The following BLOC1S6 variants were observed in gnomAD, a reference collection of about 807,000 sequenced individuals.
BLOC1S6 encodes the protein biogenesis of lysosome-related organelles complex 1 subunit 6.
A neutral mutation model predicts 24.7 loss-of-function variants in BLOC1S6; 24 were observed. That is an observed-to-expected ratio of 0.97 (90% confidence interval 0.70 to 1.37). The LOEUF is 1.37. Ranked by LOEUF, BLOC1S6 falls within the 40% of genes most tolerant of loss-of-function variation. The pLI is 0.00. For missense variants in BLOC1S6, 175 were observed against 196.2 expected, an observed-to-expected ratio of 0.89 and a Z score of 0.64; for synonymous variants, 76 against 72.6, an observed-to-expected ratio of 1.05 and a Z score of -0.23.
intron 1 of BLOC1S6, among the ~76,000 whole-genome samples, chr15:45,591,361 G>T (rs1020366774): frequency 3.9e-5 from 6 of 152,108 alleles, no homozygotes; most frequent in Admixed American, 2.6e-4. Context: ...GCTTTTGAAA[G>T]CAAGAATGCT....
intron 1 of BLOC1S6, chr15:45,587,929 A>G (rs575383121): frequency 1.7e-6 from 1 of 599,840 alleles, no homozygotes; most frequent in East Asian, 2.8e-5. Flanking sequence ...CAGCTCGGTG[A>G]TATTACTTCA....
At chr15:45,593,002 C>A (rs749568784) in intron 2 of BLOC1S6, among the ~76,000 whole-genome samples, 2 of 151,996 alleles carry the variant, frequency 1.3e-5, no homozygotes, top group African/African-American at 4.8e-5. Flanking sequence ...ACTTAAGAGG[C>A]CTTTATTAGG....
chr15:45,602,106 C>T (rs1035207013), intron 2 of BLOC1S6, among the ~76,000 whole-genome samples: 3 of 151,864 alleles, frequency 2.0e-5, no homozygotes, highest in South Asian at 2.1e-4. Context: ...TTGTTGTCCA[C>T]GCTGGTCTTG....
rs1337079961 is a variant in BLOC1S6 at position 45,603,166 on chromosome 15, T to C, written c.291T>C (p.Ser97=). 3.7e-6 allele frequency: 6 copies of C among 1,600,212 alleles called. No individual in the cohort carries two copies. Among genetic ancestry groups the C allele is most frequent in the Non-Finnish European group, 5.1e-6 (6 of 1,168,128 alleles). The part of the protein sequence containing the change: ...QEISKFKECH[S]MLDINALFAE... ...TTTCAAAATTTAAAGAATGTCATTC[T>C]ATGTTGGATATTAATGCTTTGGTAA... is the stretch of plus-strand genomic sequence containing the variant. The change falls in exon 3 of 5, where the codon TCT becomes TCC. Residue 97 remains serine, a synonymous_variant. Transcript: ENST00000220531.
intron 1 of BLOC1S6, among the ~76,000 whole-genome samples, chr15:45,591,344 T>G (rs1011646014): frequency 6.6e-6 from 1 of 152,120 alleles, no homozygotes; most frequent in Non-Finnish European, 1.5e-5. Flanking sequence ...TTATATAATT[T>G]CTTCATGCTT....
intron 1 of BLOC1S6, among the ~76,000 whole-genome samples, chr15:45,591,012 T>C (rs577243304): frequency 5.4e-4 from 82 of 152,346 alleles, no homozygotes; most frequent in African/African-American, 1.9e-3. Flanking sequence ...GTGATTGATA[T>C]TCATCTTAGA....
At chr15:45,596,096 C>T (rs909865463) in intron 2 of BLOC1S6, among the ~76,000 whole-genome samples, 7 of 148,272 alleles carry the variant, frequency 4.7e-5, no homozygotes, top group African/African-American at 1.5e-4. Flanking sequence ...CCACCACGCC[C>T]GGCCTATTCT....
At chr15:45,600,785 T>C (rs1182951688) in intron 2 of BLOC1S6, among the ~76,000 whole-genome samples, 1 of 152,236 alleles carries the variant, frequency 6.6e-6, no homozygotes, top group Non-Finnish European at 1.5e-5. Context: ...AATATCTTTA[T>C]CTGGTTTGGC....
chr15:45,587,494 C>G lies in BLOC1S6; in HGVS notation c.51C>G (p.Pro17=), dbSNP rs150470765. 86 of 1,585,080 alleles carry G rather than the reference C, an allele frequency of 5.4e-5. 1 individual carries two copies. Among genetic ancestry groups the G allele is most frequent in the Admixed American group, 5.0e-4 (28 of 56,278 alleles). Residue 17 remains proline, a synonymous_variant, in exon 1 of 5, where the codon CCC becomes CCG. Transcript: ENST00000220531. ...CGGACGGGGCCCTGACACGGCCACC[C>G]TACTGCCTGGAGGCCGGGGAGCCGA... The part of the protein sequence containing the change: ...SSPDGALTRP[P]YCLEAGEPTP...
Position 45,592,287 on chromosome 15 carries a change from A to C in BLOC1S6, c.224+11A>C. 6.2e-7 allele frequency: 1 copy of C among 1,613,466 alleles called. No individual in the cohort carries two copies. The highest frequency in any genetic ancestry group is 8.5e-7 in the Non-Finnish European group (1 of 1,179,960). ...CCTCCAGGAACTCACGTAAGCTAAT[A>C]AAAAACCAGATATACACTCATTTCC... is the stretch of plus-strand genomic sequence containing the variant. On this transcript the variant is annotated intron_variant, in intron 2 of 4. Transcript: ENST00000220531.
chr15:45,602,520 T>C (rs889114218), intron 2 of BLOC1S6: 3 of 510,602 alleles, frequency 5.9e-6, no homozygotes, highest in Non-Finnish European at 1.0e-5. Context: ...TCTGGTCTGA[T>C]CTTCTCACTT....
chr15:45,605,226 A>G (rs1034472495), intron 3 of BLOC1S6, among the ~76,000 whole-genome samples: 2 of 152,218 alleles, frequency 1.3e-5, no homozygotes, highest in African/African-American at 4.8e-5. Flanking sequence ...ACTTTTGTCA[A>G]TCTGAACTAA....
At chr15:45,591,544 C>A (rs1893885203) in intron 1 of BLOC1S6, among the ~76,000 whole-genome samples, 1 of 152,042 alleles carries the variant, frequency 6.6e-6, no homozygotes, top group East Asian at 1.9e-4. Flanking sequence ...GTTATCCTCC[C>A]ACCTCAGCCT....
intron 2 of BLOC1S6, among the ~76,000 whole-genome samples, chr15:45,596,551 T>C (rs1894084682): frequency 6.6e-6 from 1 of 152,192 alleles, no homozygotes; most frequent in Admixed American, 6.5e-5. Context: ...TGCACCTTTG[T>C]CAAAGAGAAG....
At position 45,609,111 on chromosome 15, in the gene BLOC1S6, T is replaced by C. The variant is rs1894587544; in HGVS notation, c.*2597T>C. ...TTTAAAGTCAATTGTAAACCAGAAG[T>C]ACTGTTATTTTGGTGATTAAAATCC... is the stretch of plus-strand genomic sequence containing the variant. On this transcript the variant is annotated 3_prime_UTR_variant, in exon 5 of 5. Transcript: ENST00000220531. 1 of 152,232 alleles carries C rather than the reference T, an allele frequency of 6.6e-6. No individual in the cohort carries two copies. Among genetic ancestry groups the C allele is most frequent in the African/African-American group, 2.4e-5 (1 of 41,460 alleles). The allele number at this position is 152,232 out of a possible 1,614,324, so 9.4% of individuals were successfully genotyped here.
intron 1 of BLOC1S6, among the ~76,000 whole-genome samples, chr15:45,588,086 A>T (rs1893750909): frequency 6.6e-6 from 1 of 152,158 alleles, no homozygotes; most frequent in African/African-American, 2.4e-5. Flanking sequence ...GAACTGAGAA[A>T]ATGGTCACTC....
At position 45,587,858 on chromosome 15, in the gene BLOC1S6, C is replaced by G. The variant is rs994541652; in HGVS notation, c.82+333C>G. ...GGGATGGATTTACCAGAAAGATGAT[C>G]AGCTTATAATTCAGAGAGGTGACGT... On this transcript the variant is annotated intron_variant, in intron 1 of 4. Coordinates refer to ENST00000220531, the MANE Select transcript of BLOC1S6 (RefSeq NM_012388.4). 1.0e-5 allele frequency: 7 copies of G among 674,930 alleles called. No individual in the cohort carries two copies. In the African/African-American group the frequency reaches 1.1e-4, roughly 10 times the overall value. 41.8% of individuals were successfully genotyped at this position (674,930 alleles called of 1,614,324 possible). A position where few individuals can be genotyped will look rare whatever the true frequency, so the allele number is the denominator to read the frequency against.
upstream of BLOC1S6, chr15:45,587,239 C>T: frequency 3.2e-6 from 2 of 625,974 alleles, no homozygotes; most frequent in South Asian, 3.6e-5. Context: ...CGGGGCCAGA[C>T]GACGATATCA....
chr15:45,592,595 C>T (rs966373177), intron 2 of BLOC1S6, among the ~76,000 whole-genome samples: 1 of 152,106 alleles, frequency 6.6e-6, no homozygotes. Context: ...TGGAGATACA[C>T]CTGTTTCTGA....
Sources: gnomAD v4.1 joint callset for allele counts (sites outside exome capture counted in the v4.1 genomes callset) on GRCh38, gnomAD v4.1.1 for gene constraint, MANE v1.5 for transcripts, NCBI Gene and HGNC (gene_info 2026-07-23, HGNC 2026-07-21) for gene names.